The following LARGE1 variants were observed in gnomAD, a reference collection of about 807,000 sequenced individuals.
LARGE1 encodes the protein xylosyl- and glucuronyltransferase LARGE1.
LARGE1 carries 43 observed loss-of-function variants against 87.6 expected under a neutral mutation model. The observed-to-expected ratio is 0.49, with a 90% CI of 0.38 to 0.63. The LOEUF is 0.63. Among genes scored for constraint, LARGE1 ranks in the 30% least tolerant of loss-of-function variants. The pLI is 0.00. For synonymous variants in LARGE1, 434 were observed against 394.6 expected (o/e 1.10, Z -1.18); for missense variants, 802 against 1,000.2 (o/e 0.80, Z 2.67).
intron 11 of LARGE1, among the ~76,000 whole-genome samples, chr22:33,202,052 C>T (rs1025863114): frequency 6.6e-6 from 1 of 151,480 alleles, no homozygotes; most frequent in Admixed American, 6.6e-5. Context: ...AGGAGGATCA[C>T]TTGAACCAGG....
intron 3 of LARGE1, among the ~76,000 whole-genome samples, chr22:33,638,713 CAA>C (rs1375624299): frequency 1.3e-5 from 2 of 152,158 alleles, no homozygotes; most frequent in African/African-American, 2.4e-5. Flanking sequence ...TCTTATCTGT[CAA>C]ATGAAGGTAA....
At chr22:33,394,885 A>G (rs2065671122) in intron 7 of LARGE1, among the ~76,000 whole-genome samples, 1 of 152,094 alleles carries the variant, frequency 6.6e-6, no homozygotes, top group South Asian at 2.1e-4. Flanking sequence ...CACAGGCCAT[A>G]AGCAGACTGC....
At chr22:33,602,922 C>T (rs904173824) in intron 5 of LARGE1, among the ~76,000 whole-genome samples, 8 of 152,214 alleles carry the variant, frequency 5.3e-5, no homozygotes, top group Admixed American at 1.3e-4. Context: ...AGGCATCCTT[C>T]GGAACCAGCT....
chr22:33,547,054 A>AG (rs1555952997), intron 6 of LARGE1, among the ~76,000 whole-genome samples: 1 of 151,320 alleles, frequency 6.6e-6, no homozygotes, highest in Non-Finnish European at 1.5e-5. Flanking sequence ...CTTTTTAAGC[A>AG]TTTTTTTTTC....
At chr22:33,114,850 C>G in the LARGE1 span, among the ~76,000 whole-genome samples, 1 of 152,136 alleles carries the variant, frequency 6.6e-6, no homozygotes, top group Non-Finnish European at 1.5e-5. Flanking sequence ...GTCACATAGG[C>G]TTGAAAAAGA....
At chr22:33,310,536 G>A (rs1028931472) in intron 11 of LARGE1, among the ~76,000 whole-genome samples, 3 of 152,164 alleles carry the variant, frequency 2.0e-5, no homozygotes, top group Non-Finnish European at 4.4e-5. Flanking sequence ...GAATTCCAGA[G>A]GGAGCTGCGT....
At chr22:33,664,405 A>G (rs920373180) in intron 2 of LARGE1, among the ~76,000 whole-genome samples, 1 of 152,206 alleles carries the variant, frequency 6.6e-6, no homozygotes, top group East Asian at 1.9e-4. Flanking sequence ...ATGTATTGCA[A>G]TGTTGGTTTG....
the LARGE1 span, among the ~76,000 whole-genome samples, chr22:33,079,710 A>C: frequency 6.6e-6 from 1 of 152,186 alleles, no homozygotes; most frequent in African/African-American, 2.4e-5. Context: ...TTCCTTACAA[A>C]GTTGGTTGGC....
At chr22:33,306,819 A>G (rs1934980771) in intron 11 of LARGE1, among the ~76,000 whole-genome samples, 4 of 150,714 alleles carry the variant, frequency 2.7e-5, no homozygotes, top group South Asian at 4.2e-4. Flanking sequence ...GGTTGCAGTG[A>G]GCTGAGATCG....
intron 3 of LARGE1, among the ~76,000 whole-genome samples, chr22:33,649,565 A>G (rs1041098552): frequency 6.6e-6 from 1 of 152,202 alleles, no homozygotes; most frequent in African/African-American, 2.4e-5. Flanking sequence ...CCTAAAGTTT[A>G]CTGATGAGAC....
At chr22:33,669,575 T>C (rs143416540) in intron 2 of LARGE1, among the ~76,000 whole-genome samples, 46 of 152,304 alleles carry the variant, frequency 3.0e-4, no homozygotes, top group African/African-American at 1.1e-3. Flanking sequence ...TTCCTGATGT[T>C]CTATTAGTTC....
chr22:33,659,062 C>A (rs2081051040), intron 2 of LARGE1, among the ~76,000 whole-genome samples: 1 of 152,202 alleles, frequency 6.6e-6, no homozygotes, highest in Non-Finnish European at 1.5e-5. Context: ...CTGCTTTGCT[C>A]CTCGGCATCG....
chr22:33,847,144 C>G (rs1325054528), intron 1 of LARGE1, among the ~76,000 whole-genome samples: 1 of 152,136 alleles, frequency 6.6e-6, no homozygotes, highest in Non-Finnish European at 1.5e-5. Flanking sequence ...CTCTTTTGTA[C>G]TCTGTCCTTT....
intron 1 of LARGE1, among the ~76,000 whole-genome samples, chr22:33,776,042 T>C (rs1033269314): frequency 5.3e-5 from 8 of 152,128 alleles, no homozygotes; most frequent in Non-Finnish European, 1.0e-4. Flanking sequence ...AGAGAGGACC[T>C]TTCCCTCACT....
At chr22:33,808,854 C>A (rs1359233481) in intron 1 of LARGE1, among the ~76,000 whole-genome samples, 1 of 152,238 alleles carries the variant, frequency 6.6e-6, no homozygotes, top group African/African-American at 2.4e-5. Flanking sequence ...AGAACCTGGG[C>A]ACAAGCTCTT....
At chr22:33,801,481 T>C (rs972023032) in intron 1 of LARGE1, among the ~76,000 whole-genome samples, 1 of 152,190 alleles carries the variant, frequency 6.6e-6, no homozygotes, top group Non-Finnish European at 1.5e-5. Flanking sequence ...TTTCATGCGC[T>C]TATTTCCCAT....
In LARGE1 at chr22:33,900,917, C is replaced by A. The variant is rs916077453; in HGVS notation, c.-83+19078G>T. On this transcript the variant is annotated intron_variant, in intron 1 of 14. Transcript: ENST00000397394. ...CAAAAATTAGCTGGGCATGGTGACA[C>A]ACGCCTGTAATCCCACCTACTCGGG... Among the ~76,000 whole-genome samples the A allele has an allele frequency of 3.9e-5, 6 of 152,232 alleles. No individual in the cohort carries two copies. In the East Asian group the frequency reaches 1.2e-3, roughly 29 times the overall value.
chr22:33,144,366 T>C, the LARGE1 span, among the ~76,000 whole-genome samples: 1 of 152,148 alleles, frequency 6.6e-6, no homozygotes, highest in Non-Finnish European at 1.5e-5. Context: ...AATAATTCTA[T>C]AGTTGTTGCA....
At chr22:33,729,178 C>A (rs371991843) in intron 2 of LARGE1, among the ~76,000 whole-genome samples, 1 of 152,090 alleles carries the variant, frequency 6.6e-6, no homozygotes, top group Non-Finnish European at 1.5e-5. Context: ...AATTAAAACA[C>A]ATGTATATAG....
Sources: gnomAD v4.1 joint callset for allele counts (sites outside exome capture counted in the v4.1 genomes callset) on GRCh38, gnomAD v4.1.1 for gene constraint, MANE v1.5 for transcripts, NCBI Gene and HGNC (gene_info 2026-07-23, HGNC 2026-07-21) for gene names.